The following CREBBP variants were observed in gnomAD, a reference collection of about 807,000 sequenced individuals.
The protein encoded by CREBBP is CREB binding lysine acetyltransferase.
CREBBP carries 19 observed loss-of-function variants against 265.0 expected under a neutral mutation model. That is an observed-to-expected ratio of 0.07 (90% CI 0.05 to 0.11). The LOEUF (loss-of-function observed/expected upper bound fraction) is 0.11. Among genes scored for constraint, CREBBP ranks in the 10% least tolerant of loss-of-function variants. CREBBP has a pLI of 1.00. For missense variants in CREBBP, 2,525 were observed against 3,219.0 expected, an observed-to-expected ratio of 0.78 and a Z score of 5.22; for synonymous variants, 1,457 against 1,223.7, an observed-to-expected ratio of 1.19 and a Z score of -3.98.
chr16:3,748,884 G>A (rs566348781), intron 21 of CREBBP, among the ~76,000 whole-genome samples: 3 of 152,316 alleles, frequency 2.0e-5, no homozygotes, highest in African/African-American at 7.2e-5. Context: ...GGTGGCTCAC[G>A]CCTGGAATCC....
chr16:3,794,984 T>G (rs2053579501), intron 3 of CREBBP, among the ~76,000 whole-genome samples: 1 of 152,210 alleles, frequency 6.6e-6, no homozygotes, highest in Non-Finnish European at 1.5e-5. Context: ...GAGAGAAAAC[T>G]ATACAAATAA....
intron 1 of CREBBP, among the ~76,000 whole-genome samples, chr16:3,865,597 T>A (rs1274933472): frequency 6.6e-6 from 1 of 152,140 alleles, no homozygotes; most frequent in African/African-American, 2.4e-5. Context: ...CTGAGTTTTC[T>A]GAGCCATGTG....
At chr16:3,857,753 G>A (rs983881035) in intron 1 of CREBBP, among the ~76,000 whole-genome samples, 1 of 152,200 alleles carries the variant, frequency 6.6e-6, no homozygotes, top group Non-Finnish European at 1.5e-5. Context: ...ATATCAAATA[G>A]CGAACACTGC....
intron 2 of CREBBP, among the ~76,000 whole-genome samples, chr16:3,822,904 CCT>C (rs1263809593): frequency 6.6e-6 from 1 of 152,118 alleles, no homozygotes; most frequent in African/African-American, 2.4e-5. Flanking sequence ...AGTCTCTGTG[CCT>C]TGTTTCGAGA....
chr16:3,731,659 T>TC lies in CREBBP; in HGVS notation c.4890+116dup. The stretch of plus-strand genomic sequence containing the variant: ...TGTCACCCAACTGGTCCACTTGGTT[T>TC]CCTGGGGGCCACTTCCCTCCCACCA... On this transcript the variant is annotated intron_variant, in intron 29 of 30. Transcript: ENST00000262367. This position sits in a 1 kb window ranked among gnomAD's most constrained non-coding sequence, Gnocchi z 7.7. 6.7e-7 allele frequency: 1 copy of TC among 1,499,920 alleles called. No homozygotes were observed. The highest frequency in any genetic ancestry group is 9.2e-7 in the Non-Finnish European group (1 of 1,081,464). 92.9% of individuals were successfully genotyped at this position (1,499,920 alleles called of 1,614,324 possible).
At chr16:3,787,993 A>C (rs1052937781) in intron 5 of CREBBP, among the ~76,000 whole-genome samples, 1 of 152,160 alleles carries the variant, frequency 6.6e-6, no homozygotes, top group Non-Finnish European at 1.5e-5. Context: ...GAGGTGTTTT[A>C]AACAATCTGA....
At chr16:3,813,794 C>T (rs1250282573) in intron 2 of CREBBP, among the ~76,000 whole-genome samples, 1 of 152,180 alleles carries the variant, frequency 6.6e-6, no homozygotes, top group Non-Finnish European at 1.5e-5. Flanking sequence ...CTTATGTCAA[C>T]CAATTTGACA....
At chr16:3,829,521 G>A (rs1236438923) in intron 2 of CREBBP, among the ~76,000 whole-genome samples, 3 of 152,188 alleles carry the variant, frequency 2.0e-5, no homozygotes, top group African/African-American at 7.2e-5. Context: ...GTGGCACAGT[G>A]CTAGAGACAT....
intron 1 of CREBBP, among the ~76,000 whole-genome samples, chr16:3,854,923 G>A (rs1362760170): frequency 6.6e-6 from 1 of 152,210 alleles, no homozygotes; most frequent in Non-Finnish European, 1.5e-5. Flanking sequence ...CCGAGACTGA[G>A]AGTAAGTTGC....
chr16:3,856,997 T>C (rs560735006), intron 1 of CREBBP, among the ~76,000 whole-genome samples: 6 of 151,964 alleles, frequency 3.9e-5, no homozygotes, highest in African/African-American at 1.4e-4. Context: ...AGCACAGGAG[T>C]TGAAATCCTG....
chr16:3,824,143 A>G (rs1325441357), intron 2 of CREBBP, among the ~76,000 whole-genome samples: 1 of 152,248 alleles, frequency 6.6e-6, no homozygotes, highest in Non-Finnish European at 1.5e-5. Context: ...TGCCACCAAC[A>G]TCGACTGCTA....
chr16:3,738,717 C>A (rs1399931708), intron 25 of CREBBP, 45 bp from the exon 26 acceptor site: 3 of 1,270,706 alleles, frequency 2.4e-6, no homozygotes, highest in South Asian at 1.2e-5. Context: ...TCCCTCAAAT[C>A]TGAAATCAAA....
At chr16:3,732,849 G>A (rs2051953423) in intron 28 of CREBBP, among the ~76,000 whole-genome samples, 1 of 151,996 alleles carries the variant, frequency 6.6e-6, no homozygotes, top group African/African-American at 2.4e-5. Flanking sequence ...TATAGGTGCT[G>A]CCACCACACC....
At chr16:3,773,582 T>A (rs2053065409) in intron 13 of CREBBP, 169 bp downstream of exon 13, 2 of 696,370 alleles carry the variant, frequency 2.9e-6, no homozygotes, top group Admixed American at 2.9e-5. Flanking sequence ...TCCAAACGAG[T>A]TAAGGACTAC....
Position 3,807,524 on chromosome 16 carries a change from T to A in CREBBP, c.975+3079A>T, listed in dbSNP as rs376926976. Among the ~76,000 whole-genome samples the A allele has an allele frequency of 7.9e-5, 12 of 152,298 alleles. No individual in the cohort carries two copies. The South Asian group carries it at 1.0e-3, about 13-fold the overall frequency. On this transcript the variant is annotated intron_variant, in intron 3 of 30. Coordinates refer to ENST00000262367, the MANE Select transcript of CREBBP (RefSeq NM_004380.3). ...TATAATTTTCAAAATTCAAAAAGACTACAAAACACATCTGAGGAACTGCAG... is the reference window on the plus strand; with the variant it reads ...TATAATTTTCAAAATTCAAAAAGACAACAAAACACATCTGAGGAACTGCAG...
intron 26 of CREBBP, 183 bp from the exon 27 acceptor site, chr16:3,736,998 G>T: frequency 1.4e-6 from 1 of 711,772 alleles, no homozygotes. Flanking sequence ...GCAAATGCAA[G>T]CCTGCAAATT....
intron 1 of CREBBP, among the ~76,000 whole-genome samples, chr16:3,863,563 C>T (rs2055119379): frequency 6.6e-6 from 1 of 152,180 alleles, no homozygotes; most frequent in South Asian, 2.1e-4. Context: ...GATCGCGCCA[C>T]TGCACTCCAG....
At chr16:3,747,229 A>C (rs2052363220) in intron 21 of CREBBP, among the ~76,000 whole-genome samples, 1 of 152,212 alleles carries the variant, frequency 6.6e-6, no homozygotes, top group African/African-American at 2.4e-5. Flanking sequence ...CATAGACCAA[A>C]GATGACCCTC....
intron 2 of CREBBP, among the ~76,000 whole-genome samples, chr16:3,847,513 T>G (rs2054692518): frequency 6.6e-6 from 1 of 152,182 alleles, no homozygotes; most frequent in Non-Finnish European, 1.5e-5. Flanking sequence ...AAAAATGCAC[T>G]CTATCCACCT....
Sources: gnomAD v4.1 joint callset for allele counts (sites outside exome capture counted in the v4.1 genomes callset) on GRCh38, gnomAD v4.1.1 for gene constraint, Gnocchi (gnomAD v3.1) non-coding constraint, MANE v1.5 for transcripts, NCBI Gene and HGNC (gene_info 2026-07-23, HGNC 2026-07-21) for gene names.